Variants in CDH8 observed in about 807,000 individuals in gnomAD.
CDH8 encodes the protein cadherin 8.
CDH8 carries 17 observed loss-of-function variants against 68.1 expected under a neutral mutation model. The observed-to-expected ratio is 0.25, with a 90% CI of 0.17 to 0.37. The LOEUF (loss-of-function observed/expected upper bound fraction) is 0.37. Among genes scored for constraint, CDH8 ranks in the 10% least tolerant of loss-of-function variants. The pLI is 1.00. For synonymous variants in CDH8, 372 were observed against 365.1 expected, an observed-to-expected ratio of 1.02 and a Z score of -0.21; for missense variants, 763 against 999.3, an observed-to-expected ratio of 0.76 and a Z score of 3.19.
intron 10 of CDH8, among the ~76,000 whole-genome samples, chr16:61,675,249 C>T (rs1249657132): frequency 6.6e-6 from 1 of 151,860 alleles, no homozygotes; most frequent in Non-Finnish European, 1.5e-5. Flanking sequence ...CACATATACA[C>T]CATGGAATAC....
chr16:62,020,983 T>C (rs1902060101), intron 2 of CDH8, among the ~76,000 whole-genome samples, 169 bp downstream of exon 2: 1 of 152,220 alleles, frequency 6.6e-6, no homozygotes, highest in Admixed American at 6.5e-5. Context: ...CATTTAAAAC[T>C]GTTACCTTGG....
At chr16:61,862,410 A>G (rs1963168119) in intron 3 of CDH8, among the ~76,000 whole-genome samples, 1 of 152,190 alleles carries the variant, frequency 6.6e-6, no homozygotes, top group Admixed American at 6.5e-5. Flanking sequence ...GTCCATGCCA[A>G]GATGAACTAC....
At chr16:61,907,351 C>T (rs1964078505) in intron 2 of CDH8, among the ~76,000 whole-genome samples, 1 of 152,062 alleles carries the variant, frequency 6.6e-6, no homozygotes, top group Non-Finnish European at 1.5e-5. Flanking sequence ...TGAAGTTTCA[C>T]TCTATCAAGA....
chr16:61,662,320 G>A (rs980031401), intron 10 of CDH8, among the ~76,000 whole-genome samples: 12 of 151,306 alleles, frequency 7.9e-5, no homozygotes, highest in African/African-American at 2.4e-4. Flanking sequence ...TATAGCTTCC[G>A]CTTATTGTTT....
intron 2 of CDH8, among the ~76,000 whole-genome samples, chr16:61,961,237 C>T (rs766581206): frequency 3.0e-4 from 46 of 152,104 alleles, no homozygotes; most frequent in Middle Eastern, 3.4e-3. Flanking sequence ...ATCGCTTGAA[C>T]CCGGGAGGCA....
At chr16:61,778,237 T>A (rs1960950787) in intron 8 of CDH8, among the ~76,000 whole-genome samples, 1 of 152,094 alleles carries the variant, frequency 6.6e-6, no homozygotes, top group Non-Finnish European at 1.5e-5. Context: ...TATCAATCTT[T>A]ATGGTGCTCT....
At chr16:61,983,255 T>C (rs560466375) in intron 2 of CDH8, among the ~76,000 whole-genome samples, 1 of 152,346 alleles carries the variant, frequency 6.6e-6, no homozygotes, top group Non-Finnish European at 1.5e-5. Context: ...CTTTTTGAGA[T>C]TCACCATTGT....
At chr16:61,967,542 A>C (rs1965272797) in intron 2 of CDH8, among the ~76,000 whole-genome samples, 1 of 152,214 alleles carries the variant, frequency 6.6e-6, no homozygotes, top group Admixed American at 6.5e-5. Context: ...TGGGGATGGA[A>C]ACAAAGTCTA....
chr16:61,985,740 G>T (rs1052497568), intron 2 of CDH8, among the ~76,000 whole-genome samples: 1 of 151,970 alleles, frequency 6.6e-6, no homozygotes, highest in African/African-American at 2.4e-5. Context: ...TGATCTGCCC[G>T]CCTCGGCCTC....
chr16:61,941,180 T>C (rs971630087), intron 2 of CDH8, among the ~76,000 whole-genome samples: 9 of 152,336 alleles, frequency 5.9e-5, no homozygotes, highest in Non-Finnish European at 1.2e-4. Flanking sequence ...TCTCATTTTA[T>C]TCATGTGCAG....
chr16:61,809,183 T>A (rs552887419), intron 7 of CDH8, among the ~76,000 whole-genome samples: 1 of 144,894 alleles, frequency 6.9e-6, no homozygotes, highest in African/African-American at 2.6e-5. Flanking sequence ...CAAAACTCCA[T>A]CTCAAAAAAA....
chr16:61,801,735 C>T (rs1018371071), intron 7 of CDH8, among the ~76,000 whole-genome samples: 3 of 152,220 alleles, frequency 2.0e-5, no homozygotes, highest in Non-Finnish European at 2.9e-5. Context: ...GTCACTCCCA[C>T]CCGAATATTG....
rs1413668890 is a variant in CDH8, at chr16:61,702,138, C to T, written c.1654+11703G>A. Among the ~76,000 whole-genome samples, 11 of 152,188 alleles carry T rather than the reference C, an allele frequency of 7.2e-5. No individual in the cohort carries two copies. The East Asian group carries it at 2.1e-3, about 30-fold the overall frequency. ...CTGTAATCTCAGCAGTTTGAGAGGC[C>T]GAGGCAGGCGGATCACGAGGTCAGG... On this transcript the variant is annotated intron_variant, in intron 10 of 11. Transcript: ENST00000577390.
At chr16:61,743,372 G>A (rs1959928626) in intron 8 of CDH8, 2 of 156,196 alleles carry the variant, frequency 1.3e-5, no homozygotes, top group Admixed American at 6.5e-5. Flanking sequence ...TGCCCGTGGA[G>A]TGGTGAGGGA....
intron 10 of CDH8, among the ~76,000 whole-genome samples, chr16:61,684,147 T>C (rs1351274569): frequency 6.6e-6 from 1 of 152,030 alleles, no homozygotes; most frequent in Non-Finnish European, 1.5e-5. Flanking sequence ...TTTGTAGCTA[T>C]CATATGTGTG....
chr16:61,981,894 A>G (rs965757977), intron 2 of CDH8, among the ~76,000 whole-genome samples: 1 of 152,124 alleles, frequency 6.6e-6, no homozygotes, highest in African/African-American at 2.4e-5. Context: ...ATACTTTACA[A>G]TTCCTTTTTT....
chr16:61,973,629 A>T lies in CDH8; in HGVS notation c.252+47523T>A, dbSNP rs546818213. Reference sequence around the variant, plus strand: ...GGCTTAATAAAACCACATGCACAGTAATGCAAAGGAATCATCCACAAGATG... The same window carrying T: ...GGCTTAATAAAACCACATGCACAGTTATGCAAAGGAATCATCCACAAGATG... On this transcript the variant is annotated intron_variant, in intron 2 of 11. Transcript: ENST00000577390. Among the ~76,000 whole-genome samples, 3 of 152,328 alleles carry T rather than the reference A, an allele frequency of 2.0e-5. No individual in the cohort carries two copies. The East Asian group carries it at 5.8e-4, about 29-fold the overall frequency.
chr16:61,664,908 C>A (rs1360500006), intron 10 of CDH8, among the ~76,000 whole-genome samples: 2 of 151,890 alleles, frequency 1.3e-5, no homozygotes, highest in Non-Finnish European at 2.9e-5. Context: ...GTCCTTGAAG[C>A]ATTTGGAGTT....
chr16:61,843,537 C>T (rs183907327), intron 4 of CDH8, among the ~76,000 whole-genome samples: 169 of 152,274 alleles, frequency 1.1e-3, no homozygotes, highest in African/African-American at 3.8e-3. Flanking sequence ...ACTCTGACTC[C>T]TAAGTTCACA....
Sources: allele counts gnomAD v4.1 joint callset (sites outside exome capture counted in the v4.1 genomes callset), GRCh38; gene constraint gnomAD v4.1.1; transcripts MANE v1.5; gene names NCBI Gene and HGNC (gene_info 2026-07-23, HGNC 2026-07-21).